The following HGD variants were observed in gnomAD, a reference collection of about 807,000 sequenced individuals.
HGD encodes the protein homogentisate oxidase.
HGD carries 61 observed loss-of-function variants against 60.8 expected under a neutral mutation model. The observed-to-expected ratio is 1.00, with a 90% confidence interval of 0.82 to 1.24. HGD has a LOEUF of 1.24. Ranked by LOEUF, HGD falls within the 50% of genes most tolerant of loss-of-function variation. The pLI, the probability that HGD is intolerant of heterozygous loss-of-function variation, is 0.00. For missense variants in HGD, 542 were observed against 547.1 expected (o/e 0.99, Z 0.09); for synonymous variants, 212 against 187.7 (o/e 1.13, Z -1.06).
intron 12 of HGD, among the ~76,000 whole-genome samples, chr3:120,636,141 G>T: frequency 6.7e-6 from 1 of 149,698 alleles, no homozygotes. Flanking sequence ...AAAGCCAGGT[G>T]TGGTGGTGCA....
intron 4 of HGD, among the ~76,000 whole-genome samples, chr3:120,667,210 C>A (rs1000227111): frequency 6.6e-6 from 1 of 151,254 alleles, no homozygotes; most frequent in South Asian, 2.1e-4. Flanking sequence ...CCTGTATTCC[C>A]AGCTACTCAG....
At chr3:120,664,450 T>C (rs1352543071) in intron 4 of HGD, among the ~76,000 whole-genome samples, 2 of 129,728 alleles carry the variant, frequency 1.5e-5, no homozygotes, top group Non-Finnish European at 3.3e-5. Flanking sequence ...TTTTCTGAGA[T>C]AGGGTTTCAC....
chr3:120,632,778 G>A (rs139243316), intron 13 of HGD, among the ~76,000 whole-genome samples: 1,595 of 152,250 alleles, frequency 0.01, 12 homozygotes, highest in East Asian at 0.048. Flanking sequence ...GAATAGTGTT[G>A]GACAGTCTGT....
Position 120,641,648 on chromosome 3 carries a change from G to A in HGD, c.820C>T (p.Pro274Ser), listed in dbSNP as rs1056909521. 1 of 1,613,980 alleles carries A rather than the reference G, an allele frequency of 6.2e-7. No individual in the cohort carries two copies. Among genetic ancestry groups the A allele is most frequent in the Non-Finnish European group, 8.5e-7 (1 of 1,179,840 alleles). ...NVVAWHGNYT[P>S]YKYNLKNFMV... Reference sequence around the variant, plus strand: ...AAATTCTTCAGGTTGTACTTGTAGGGTGTATAATTCCCGTGCCAGGCCACA... The same window carrying A: ...AAATTCTTCAGGTTGTACTTGTAGGATGTATAATTCCCGTGCCAGGCCACA... The change falls in exon 11 of 14, where the codon CCC becomes TCC. Residue 274 changes from proline (P) to serine (S), a missense_variant. Physicochemically the swap from Pro to Ser is moderately conservative, Grantham distance 74. Coordinates refer to ENST00000283871, the MANE Select transcript of HGD (RefSeq NM_000187.4).
chr3:120,633,307 A>G lies in HGD; in HGVS notation c.1028T>C (p.Met343Thr), dbSNP rs1435976701. The part of the protein sequence containing the change: ...YYHRNCMSEF[M>T]GLIRGHYEAK... ...CTCATAGTGACCTCGGATGAGTCCC[A>G]TGAACTCACTCATGCAGTTCCCTGG... Residue 343 changes from methionine to threonine, a missense_variant, in exon 13 of 14, where the codon ATG becomes ACG. Physicochemically the swap from Met to Thr is moderately conservative, Grantham distance 81. Around this residue, in one of 2 missense-constraint regions of HGD, gnomAD observed 537 missense variants for 529.1 expected, o/e 1.01. Coordinates refer to ENST00000283871, the MANE Select transcript of HGD (RefSeq NM_000187.4). 3.7e-6 allele frequency: 6 copies of G among 1,614,084 alleles called. 1 individual carries two copies. The highest frequency in any genetic ancestry group is 2.2e-5 in the South Asian group (2 of 91,082).
At chr3:120,631,361 G>A (rs1456419359) in intron 13 of HGD, among the ~76,000 whole-genome samples, 1 of 152,028 alleles carries the variant, frequency 6.6e-6, no homozygotes, top group Admixed American at 6.6e-5. Context: ...AATATAATTG[G>A]ATTGTTTGTA....
intron 12 of HGD, among the ~76,000 whole-genome samples, chr3:120,636,474 T>G (rs1262296821): frequency 1.3e-5 from 2 of 152,060 alleles, no homozygotes; most frequent in African/African-American, 2.4e-5. Flanking sequence ...CAGAGTAACC[T>G]CAATACAAGA....
intron 13 of HGD, among the ~76,000 whole-genome samples, chr3:120,631,005 A>C (rs1291455019): frequency 6.6e-6 from 1 of 151,880 alleles, no homozygotes; most frequent in Non-Finnish European, 1.5e-5. Flanking sequence ...GTATGTTCTC[A>C]CTTCTAAATG....
intron 8 of HGD, 117 bp downstream of exon 8, chr3:120,646,856 C>T: frequency 1.2e-6 from 1 of 860,238 alleles, no homozygotes; most frequent in Non-Finnish European, 2.0e-6. Flanking sequence ...CTCAGATTCC[C>T]TCCTCGTTGC....
intron 12 of HGD, 31 bp from the exon 13 acceptor site, chr3:120,633,359 T>A: frequency 2.5e-6 from 4 of 1,614,134 alleles, no homozygotes; most frequent in Non-Finnish European, 3.4e-6. Context: ...TTATTTTTAT[T>A]ATCCAAGGCA....
chr3:120,675,029 G>A (rs368824395), intron 2 of HGD, 40 bp from the exon 3 acceptor site: 106 of 1,412,662 alleles, frequency 7.5e-5, no homozygotes, highest in Non-Finnish European at 9.3e-5. Context: ...ACTCCCATCC[G>A]AAAAGCATCC....
intron 4 of HGD, among the ~76,000 whole-genome samples, chr3:120,659,969 G>A (rs1466663020): frequency 6.6e-6 from 1 of 151,402 alleles, no homozygotes; most frequent in African/African-American, 2.4e-5. Flanking sequence ...AATGGGGGTG[G>A]ATTTCTCACG....
At chr3:120,666,055 G>A (rs982420100) in intron 4 of HGD, among the ~76,000 whole-genome samples, 1 of 152,170 alleles carries the variant, frequency 6.6e-6, no homozygotes, top group Non-Finnish European at 1.5e-5. Flanking sequence ...TAAAGAAGGT[G>A]TAAAAGAAAA....
intron 4 of HGD, among the ~76,000 whole-genome samples, chr3:120,663,313 T>G (rs773927839): frequency 2.6e-5 from 4 of 152,140 alleles, no homozygotes; most frequent in Non-Finnish European, 5.9e-5. Flanking sequence ...TCCATTTTTA[T>G]GCTGCTGATA....
At chr3:120,671,181 T>C (rs1173961463) in intron 3 of HGD, among the ~76,000 whole-genome samples, 1 of 152,224 alleles carries the variant, frequency 6.6e-6, no homozygotes, top group African/African-American at 2.4e-5. Flanking sequence ...ATACGTCCAG[T>C]GCATTTCTAA....
chr3:120,675,654 C>T, intron 2 of HGD, 138 bp downstream of exon 2: 1 of 715,588 alleles, frequency 1.4e-6, no homozygotes, highest in Non-Finnish European at 2.6e-6. Flanking sequence ...ATCTTCATTG[C>T]CCCTATGACT....
rs1049246177 is a variant in HGD at position 120,674,947 on chromosome 3, G to A, written c.130C>T (p.Leu44Phe). The change falls in exon 3 of 14, where the codon CTC (leucine) becomes TTC (phenylalanine). Residue 44 changes from leucine (L) to phenylalanine (F), a missense_variant. Transcript: ENST00000283871. Reference sequence around the variant, plus strand: ...GGACAAGTGAAAGCCGATCCTGAGAGCTGCTCAGCATAGAGATTGTAGGGG... The same window carrying A: ...GGACAAGTGAAAGCCGATCCTGAGAACTGCTCAGCATAGAGATTGTAGGGG... ...VCPYNLYAEQ[L>F]SGSAFTCPRS... 1.9e-6 allele frequency: 3 copies of A among 1,612,014 alleles called. No homozygotes were observed. Among genetic ancestry groups the A allele is most frequent in the Non-Finnish European group, 2.5e-6 (3 of 1,178,462 alleles).
At chr3:120,637,539 T>G (rs928224848) in intron 12 of HGD, among the ~76,000 whole-genome samples, 5 of 152,168 alleles carry the variant, frequency 3.3e-5, no homozygotes, top group Non-Finnish European at 7.4e-5. Context: ...TAGAGTTCAT[T>G]CCTTAATGCA....
chr3:120,638,899 A>AT (rs1940876478), intron 11 of HGD, among the ~76,000 whole-genome samples: 2 of 152,052 alleles, frequency 1.3e-5, no homozygotes, highest in Non-Finnish European at 2.9e-5. Context: ...TCATGGGGGC[A>AT]GGTTTTTCCC....
Sources: gnomAD v4.1 joint callset for allele counts (sites outside exome capture counted in the v4.1 genomes callset) on GRCh38, gnomAD v4.1.1 for gene constraint, gnomAD v4.1.1 regional missense constraint, MANE v1.5 for transcripts, NCBI Gene and HGNC (gene_info 2026-07-23, HGNC 2026-07-21) for gene names.